The following OPCML variants were observed in gnomAD, a reference collection of about 807,000 sequenced individuals.
OPCML encodes the protein opioid-binding protein/cell adhesion molecule.
Under a neutral mutation model 37.8 loss-of-function variants are expected in OPCML, and 13 were observed. The ratio of observed to expected loss-of-function variants is 0.34; its 90% CI spans 0.22 to 0.55. The LOEUF is 0.55. Among genes scored for constraint, OPCML ranks in the 20% least tolerant of loss-of-function variants. The pLI is 0.91. For missense variants in OPCML, 341 were observed against 435.6 expected (o/e 0.78, Z 1.93); for synonymous variants, 176 against 168.8 (o/e 1.04, Z -0.33).
intron 4 of OPCML, among the ~76,000 whole-genome samples, chr11:132,524,794 G>A (rs2096303747): frequency 6.6e-6 from 1 of 152,188 alleles, no homozygotes; most frequent in African/African-American, 2.4e-5. Context: ...AAGCTGGGAT[G>A]TCTTGGGATC....
At chr11:132,536,526 ATTG>A (rs1368354696) in intron 3 of OPCML, among the ~76,000 whole-genome samples, 3 of 152,158 alleles carry the variant, frequency 2.0e-5, no homozygotes, top group Admixed American at 1.3e-4. Flanking sequence ...TTTTTACTTT[ATTG>A]TTGTTATTAT....
At chr11:132,558,877 G>A (rs1360258980) in intron 3 of OPCML, among the ~76,000 whole-genome samples, 1 of 151,912 alleles carries the variant, frequency 6.6e-6, no homozygotes, top group Non-Finnish European at 1.5e-5. Context: ...GGGTGATATG[G>A]GCAAGGGCAC....
chr11:133,172,881 C>T (rs565432732), intron 1 of OPCML, among the ~76,000 whole-genome samples: 2 of 152,166 alleles, frequency 1.3e-5, no homozygotes, highest in Non-Finnish European at 2.9e-5. Context: ...TACGTTATCT[C>T]ATTTAATTTT....
intron 2 of OPCML, among the ~76,000 whole-genome samples, chr11:132,929,250 CA>C (rs1289115452): frequency 6.6e-6 from 1 of 151,736 alleles, no homozygotes. Flanking sequence ...ACTAAAATCA[CA>C]AAAAGGTCAT....
chr11:132,476,054 A>G (rs1006167961), intron 4 of OPCML, among the ~76,000 whole-genome samples: 8 of 152,156 alleles, frequency 5.3e-5, no homozygotes, highest in Non-Finnish European at 1.0e-4. Flanking sequence ...AAAGTACTTG[A>G]CGCTATCAGC....
chr11:132,832,838 C>T (rs7938658), intron 2 of OPCML, among the ~76,000 whole-genome samples: 54,207 of 152,104 alleles, frequency 0.36, 10,892 homozygotes, highest in Non-Finnish European at 0.47. Context: ...CTGAATATTA[C>T]AGGCAACTGT....
At chr11:132,890,592 A>T (rs1167860714) in intron 2 of OPCML, among the ~76,000 whole-genome samples, 1 of 151,146 alleles carries the variant, frequency 6.6e-6, no homozygotes, top group East Asian at 2.0e-4. Flanking sequence ...CATGCCTGTA[A>T]TCCCAGCACT....
chr11:132,682,286 A>G (rs1176814446), intron 2 of OPCML, among the ~76,000 whole-genome samples: 1 of 152,224 alleles, frequency 6.6e-6, no homozygotes, highest in Non-Finnish European at 1.5e-5. Flanking sequence ...TTTCTAACCT[A>G]AGCTGACAGA....
At chr11:133,448,717 G>A (rs891998828) in intron 1 of OPCML, among the ~76,000 whole-genome samples, 15 of 152,078 alleles carry the variant, frequency 9.9e-5, no homozygotes, top group Admixed American at 6.5e-4. Context: ...TCAGCGTCCC[G>A]AAGTGCTGGG....
intron 1 of OPCML, among the ~76,000 whole-genome samples, chr11:133,525,728 C>T (rs1252768408): frequency 1.3e-5 from 2 of 152,142 alleles, no homozygotes; most frequent in Admixed American, 6.5e-5. Context: ...CCAGAATGAC[C>T]GCTCAGGCCA....
chr11:132,480,158 AC>A (rs1415227221), intron 4 of OPCML, among the ~76,000 whole-genome samples: 2 of 152,168 alleles, frequency 1.3e-5, no homozygotes, highest in African/African-American at 4.8e-5. Flanking sequence ...AATAACCAAT[AC>A]AGAGAAGTGC....
At chr11:133,061,872 C>T (rs1339476626) in intron 1 of OPCML, among the ~76,000 whole-genome samples, 5 of 128,796 alleles carry the variant, frequency 3.9e-5, no homozygotes, top group African/African-American at 1.5e-4. Flanking sequence ...TAAGTGCATG[C>T]ATAAATGGGA....
chr11:133,268,813 T>C (rs141759690), intron 1 of OPCML, among the ~76,000 whole-genome samples: 36 of 152,362 alleles, frequency 2.4e-4, no homozygotes, highest in African/African-American at 8.2e-4. Context: ...TATGAGTAGA[T>C]AATTTTTCCT....
At chr11:132,906,682 A>G (rs1232989123) in intron 2 of OPCML, among the ~76,000 whole-genome samples, 1 of 152,228 alleles carries the variant, frequency 6.6e-6, no homozygotes, top group Non-Finnish European at 1.5e-5. Context: ...AAAAGAGGGT[A>G]CTGCCCTTGT....
At chr11:132,662,056 G>T (rs1941998036) in intron 2 of OPCML, among the ~76,000 whole-genome samples, 1 of 152,200 alleles carries the variant, frequency 6.6e-6, no homozygotes, top group African/African-American at 2.4e-5. Flanking sequence ...GTACCGTGGG[G>T]TTAAGATTCA....
chr11:133,117,815 C>T, intron 1 of OPCML: 1 of 984,788 alleles, frequency 1.0e-6, no homozygotes. Context: ...TAAGCTCTAA[C>T]TCTGGAATAA....
At chr11:132,702,521 T>A (rs1943868432) in intron 2 of OPCML, among the ~76,000 whole-genome samples, 1 of 152,202 alleles carries the variant, frequency 6.6e-6, no homozygotes, top group Non-Finnish European at 1.5e-5. Context: ...AGAATTTGAT[T>A]ATAATGTGTC....
rs534956312 is a variant in OPCML, at chr11:132,497,914, C to T, written c.505+31147G>A. ...TTTTTTAAAAAACACTGATGCACAGCAGTTTGACATTTTTGTTTGCAGTCA... is the reference window on the plus strand; with the variant it reads ...TTTTTTAAAAAACACTGATGCACAGTAGTTTGACATTTTTGTTTGCAGTCA... On this transcript the variant is annotated intron_variant, in intron 4 of 7. Coordinates refer to ENST00000524381, the MANE Select transcript of OPCML (RefSeq NM_001012393.5). 2.0e-5 allele frequency among the ~76,000 whole-genome samples: 3 copies of T among 152,276 alleles called. No individual in the cohort carries two copies. In the South Asian group the frequency reaches 6.2e-4, roughly 32 times the overall value.
chr11:133,054,878 A>G (rs1172111173), intron 1 of OPCML, among the ~76,000 whole-genome samples: 2 of 151,778 alleles, frequency 1.3e-5, no homozygotes, highest in South Asian at 2.1e-4. Flanking sequence ...TGCCTCCATG[A>G]TACTTCCAAG....
Sources: allele counts gnomAD v4.1 joint callset (sites outside exome capture counted in the v4.1 genomes callset), GRCh38; gene constraint gnomAD v4.1.1; transcripts MANE v1.5; gene names NCBI Gene and HGNC (gene_info 2026-07-23, HGNC 2026-07-21).